The following KCNIP4 variants were observed in gnomAD, a reference collection of about 807,000 sequenced individuals.
KCNIP4 encodes Kv channel-interacting protein 4.
In KCNIP4, 12 loss-of-function variants were observed where a neutral mutation model predicts 34.0. The ratio of observed to expected loss-of-function variants is 0.35; its 90% CI spans 0.23 to 0.57. The LOEUF (loss-of-function observed/expected upper bound fraction) is 0.57. KCNIP4 is among the 20% of genes least tolerant of loss of function. The probability of loss-of-function intolerance (pLI) is 0.83; values close to 1 mark genes in which losing one functional copy is unlikely to be tolerated. For missense variants in KCNIP4, 238 were observed against 311.7 expected (o/e 0.76, Z 1.78); for synonymous variants, 124 against 102.2 (o/e 1.21, Z -1.29).
At chr4:21,133,275 T>C (rs1751227141) in intron 1 of KCNIP4, among the ~76,000 whole-genome samples, 1 of 152,166 alleles carries the variant, frequency 6.6e-6, no homozygotes, top group Admixed American at 6.5e-5. Context: ...CAAAACCTCC[T>C]GGGTTTAACA....
intron 1 of KCNIP4, among the ~76,000 whole-genome samples, chr4:21,065,751 TATATATATATATATAA>T (rs1164323184): frequency 7.7e-5 from 11 of 143,280 alleles, no homozygotes; most frequent in African/African-American, 2.8e-4. Flanking sequence ...TATATATATA[TATATATATATATATAA>T]CTCAATTTTA....
intron 3 of KCNIP4, among the ~76,000 whole-genome samples, chr4:20,789,611 T>A (rs1167918544): frequency 6.6e-6 from 1 of 152,082 alleles, no homozygotes; most frequent in Non-Finnish European, 1.5e-5. Flanking sequence ...ATTGCTGCAA[T>A]CAAAGGCCTC....
intron 1 of KCNIP4, among the ~76,000 whole-genome samples, chr4:21,787,564 AG>A (rs1162242431): frequency 6.6e-6 from 1 of 152,206 alleles, no homozygotes; most frequent in Non-Finnish European, 1.5e-5. Context: ...TTTACATATA[AG>A]AAGCTGAAGT....
rs143616025 is a variant in KCNIP4 at position 21,605,903 on chromosome 4, C to T, written c.61+342668G>A. 6.1e-3 allele frequency among the ~76,000 whole-genome samples: 928 copies of T among 152,214 alleles called. 12 individuals are homozygous for T. Among genetic ancestry groups the T allele is most frequent in the African/African-American group, 0.02 (849 of 41,530 alleles). Reference sequence around the variant, plus strand: ...GGAGGAGTTAGTGGCTCTGAGTAGACGCAAGTTGAGGGAGTCTTCTTCCAG... The same window carrying T: ...GGAGGAGTTAGTGGCTCTGAGTAGATGCAAGTTGAGGGAGTCTTCTTCCAG... On this transcript the variant is annotated intron_variant, in intron 1 of 8. Transcript: ENST00000382152.
intron 1 of KCNIP4, among the ~76,000 whole-genome samples, chr4:21,497,679 T>G (rs1732961347): frequency 1.3e-5 from 2 of 152,188 alleles, no homozygotes; most frequent in Non-Finnish European, 2.9e-5. Flanking sequence ...TGCCATTAGT[T>G]ATACCACCTT....
At chr4:21,766,714 T>C (rs887683297) in intron 1 of KCNIP4, among the ~76,000 whole-genome samples, 1 of 152,180 alleles carries the variant, frequency 6.6e-6, no homozygotes, top group African/African-American at 2.4e-5. Context: ...GGGAGGGCCC[T>C]AATTAATGTA....
chr4:20,987,529 G>C (rs1736683707), intron 1 of KCNIP4, among the ~76,000 whole-genome samples: 1 of 152,098 alleles, frequency 6.6e-6, no homozygotes, highest in Admixed American at 6.5e-5. Flanking sequence ...AATAGGTTAG[G>C]TGTTATTATC....
chr4:20,958,231 G>A (rs1426834809), intron 1 of KCNIP4, among the ~76,000 whole-genome samples: 2 of 152,138 alleles, frequency 1.3e-5, no homozygotes, highest in Non-Finnish European at 2.9e-5. Context: ...GGATGCAGTA[G>A]GCAAAGTTCC....
At chr4:21,350,975 A>C (rs10008139) in intron 1 of KCNIP4, among the ~76,000 whole-genome samples, 11,100 of 152,228 alleles carry the variant, frequency 0.073, 1,222 homozygotes, top group African/African-American at 0.24. Context: ...GTACATCTGC[A>C]TTATGCTTTA....
chr4:20,730,436 A>T (rs111965695), intron 8 of KCNIP4, among the ~76,000 whole-genome samples: 1 of 151,954 alleles, frequency 6.6e-6, no homozygotes, highest in Non-Finnish European at 1.5e-5. Context: ...GAAACTACAG[A>T]GGTGCAGAGG....
chr4:21,035,576 TA>T (rs1438831349), intron 1 of KCNIP4, among the ~76,000 whole-genome samples: 2 of 152,190 alleles, frequency 1.3e-5, no homozygotes, highest in African/African-American at 2.4e-5. Context: ...AACCAAAAAT[TA>T]TGCCATTTTT....
At chr4:20,968,193 C>T (rs1305710305) in intron 1 of KCNIP4, among the ~76,000 whole-genome samples, 1 of 152,020 alleles carries the variant, frequency 6.6e-6, no homozygotes, top group South Asian at 2.1e-4. Context: ...TCATCACTGG[C>T]CATCAGAGAA....
intron 1 of KCNIP4, among the ~76,000 whole-genome samples, chr4:21,685,779 G>GT (rs1218227606): frequency 5.3e-5 from 8 of 152,178 alleles, no homozygotes; most frequent in African/African-American, 1.9e-4. Flanking sequence ...TGTTGCCATT[G>GT]TGTTAAGGAC....
intron 1 of KCNIP4, among the ~76,000 whole-genome samples, chr4:21,721,409 GAAGA>G (rs1219719360): frequency 6.6e-6 from 1 of 151,974 alleles, no homozygotes; most frequent in Non-Finnish European, 1.5e-5. Flanking sequence ...AAAAAAATAA[GAAGA>G]AAGAAACTTC....
intron 1 of KCNIP4, among the ~76,000 whole-genome samples, chr4:21,296,164 C>T (rs139934629): frequency 5.1e-4 from 77 of 152,138 alleles, no homozygotes; most frequent in African/African-American, 1.7e-3. Flanking sequence ...GTTTTAAGAA[C>T]GGAAATGAAT....
intron 1 of KCNIP4, among the ~76,000 whole-genome samples, chr4:21,546,886 G>T (rs1307765513): frequency 6.6e-6 from 1 of 151,876 alleles, no homozygotes; most frequent in East Asian, 1.9e-4. Flanking sequence ...TCAAGGGGCA[G>T]AACTAAAAAC....
At chr4:20,886,174 C>A (rs1725291033) in intron 1 of KCNIP4, among the ~76,000 whole-genome samples, 1 of 152,174 alleles carries the variant, frequency 6.6e-6, no homozygotes, top group Non-Finnish European at 1.5e-5. Flanking sequence ...ACTGGACAAG[C>A]TACATGAGGG....
At chr4:21,409,528 G>A (rs1724303657) in intron 1 of KCNIP4, among the ~76,000 whole-genome samples, 1 of 152,008 alleles carries the variant, frequency 6.6e-6, no homozygotes, top group Admixed American at 6.6e-5. Context: ...AAAAAATACT[G>A]CAACATTTAT....
chr4:21,331,243 T>C (rs558636078), intron 1 of KCNIP4, among the ~76,000 whole-genome samples: 9 of 152,268 alleles, frequency 5.9e-5, no homozygotes, highest in African/African-American at 2.2e-4. Context: ...ATACTACATG[T>C]CACTTCAGAG....
Sources: allele counts gnomAD v4.1 joint callset (sites outside exome capture counted in the v4.1 genomes callset), GRCh38; gene constraint gnomAD v4.1.1; transcripts MANE v1.5; gene names NCBI Gene and HGNC (gene_info 2026-07-23, HGNC 2026-07-21).